ASCC3: variants seen among roughly 807,000 people sequenced by gnomAD.
ASCC3 encodes activating signal cointegrator 1 complex subunit 3, also known as ASC-1 complex subunit P200.
ASCC3 carries 158 observed loss-of-function variants against 256.3 expected under a neutral mutation model. The ratio of observed to expected loss-of-function variants is 0.62; its 90% CI spans 0.54 to 0.70. The LOEUF is 0.70. Ranked by LOEUF, ASCC3 falls within the 30% of genes least tolerant of loss-of-function variation. ASCC3 has a pLI of 0.00. For synonymous variants in ASCC3, 948 were observed against 883.4 expected, an observed-to-expected ratio of 1.07 and a Z score of -1.30; for missense variants, 2,259 against 2,626.0, an observed-to-expected ratio of 0.86 and a Z score of 3.05.
At chr6:100,587,359 C>T (rs1771754138) in intron 36 of ASCC3, among the ~76,000 whole-genome samples, 1 of 151,164 alleles carries the variant, frequency 6.6e-6, no homozygotes, top group South Asian at 2.1e-4. Flanking sequence ...CTGGAAATTA[C>T]ACCACAATTA....
chr6:100,656,120 A>G (rs1028310179), intron 16 of ASCC3, among the ~76,000 whole-genome samples: 2 of 146,276 alleles, frequency 1.4e-5, no homozygotes, highest in Non-Finnish European at 3.0e-5. Flanking sequence ...GACATTTGTT[A>G]TTTTTTTTTC....
intron 13 of ASCC3, among the ~76,000 whole-genome samples, chr6:100,680,701 T>C (rs1345044174): frequency 6.6e-6 from 1 of 152,206 alleles, no homozygotes; most frequent in Non-Finnish European, 1.5e-5. Flanking sequence ...GCCCCTGCTT[T>C]CAACTAAATT....
intron 29 of ASCC3, among the ~76,000 whole-genome samples, 168 bp downstream of exon 29, chr6:100,627,422 G>C (rs1006755299): frequency 3.3e-5 from 5 of 152,032 alleles, no homozygotes; most frequent in Non-Finnish European, 7.4e-5. Flanking sequence ...TCTTCACTAG[G>C]TAATTTAACA....
intron 23 of ASCC3, 121 bp from the exon 24 acceptor site, chr6:100,642,870 T>TA: frequency 1.0e-6 from 1 of 972,762 alleles, no homozygotes. Flanking sequence ...ATCTTGAATT[T>TA]GTAAATAGCT....
intron 16 of ASCC3, among the ~76,000 whole-genome samples, chr6:100,659,091 TATA>T (rs1414122244): frequency 6.6e-6 from 1 of 151,372 alleles, no homozygotes; most frequent in African/African-American, 2.4e-5. Context: ...TATAACTTAA[TATA>T]ATAATTTCTC....
At chr6:100,742,443 G>C (rs1344779617) in intron 10 of ASCC3, among the ~76,000 whole-genome samples, 1 of 152,056 alleles carries the variant, frequency 6.6e-6, no homozygotes, top group Non-Finnish European at 1.5e-5. Context: ...GGGCTGTTTG[G>C]ACTCTCCAAA....
intron 13 of ASCC3, chr6:100,715,251 G>A (rs769371987): frequency 8.8e-6 from 4 of 453,252 alleles, no homozygotes; most frequent in African/African-American, 4.0e-5. Context: ...AAAATAGCAC[G>A]ACCTATCAAT....
At chr6:100,659,783 G>A (rs1047781676) in intron 16 of ASCC3, among the ~76,000 whole-genome samples, 6 of 151,532 alleles carry the variant, frequency 4.0e-5, no homozygotes, top group African/African-American at 1.4e-4. Context: ...TAAGTTTACT[G>A]AGATATAGTT....
rs1582510979 is a variant in ASCC3 at position 100,589,710 on chromosome 6, T to C, written c.5474A>G (p.Lys1825Arg). The change falls in exon 36 of 42, where the codon AAG (lysine) becomes AGG (arginine). Residue 1825 changes from lysine (K) to arginine (R), a missense_variant. Physicochemically the swap from Lys to Arg is conservative, Grantham distance 26. This residue lies in a region of ASCC3 where 1,839 missense variants were observed against 2,206.7 expected (regional missense o/e 0.83). Coordinates refer to ENST00000369162, the MANE Select transcript of ASCC3 (RefSeq NM_006828.4). Reference protein sequence around the residue: ...YGRIASYYYLKHQTVKMFKDR... With the variant: ...YGRIASYYYLRHQTVKMFKDR... ...CTTGAACATTTTAACTGTTTGATGC[T>C]TCAAATAGTAATAGGAGGCAATTCG... 1.6e-5 allele frequency: 26 copies of C among 1,613,744 alleles called. No homozygotes were observed. The East Asian group carries it at 5.6e-4, about 35-fold the overall frequency.
intron 3 of ASCC3, among the ~76,000 whole-genome samples, chr6:100,859,716 T>C (rs137892854): frequency 2.9e-4 from 44 of 152,162 alleles, no homozygotes; most frequent in African/African-American, 8.9e-4. Context: ...TTTTGATTCA[T>C]AGTTTTCTTA....
At chr6:100,516,105 G>A (rs1774012861) in intron 39 of ASCC3, 75 bp downstream of exon 39, 1 of 1,590,154 alleles carries the variant, frequency 6.3e-7, no homozygotes, top group Non-Finnish European at 8.6e-7. Flanking sequence ...CAAAATCCAT[G>A]CTCTAAGTTA....
At position 100,627,691 on chromosome 6, in the gene ASCC3, C is replaced by T. The variant is rs142364575; in HGVS notation, c.4541G>A (p.Arg1514Gln). 6.8e-5 allele frequency: 110 copies of T among 1,613,424 alleles called. No homozygotes were observed. In the East Asian group the frequency reaches 8.0e-4, roughly 12 times the overall value. ...NIKQMGLFNF[R>Q]PSVRPVPLEV... ...CAGTGGAACTGGGCGTACTGATGGT[C>T]GGAAGTTAAACAAGCCCATCTAGAG... is the stretch of plus-strand genomic sequence containing the variant. Residue 1514 changes from arginine to glutamine, a missense_variant, in exon 29 of 42, where the codon CGA becomes CAA. This residue lies in a region of ASCC3 where 1,839 missense variants were observed against 2,206.7 expected (regional missense o/e 0.83). Coordinates refer to ENST00000369162, the MANE Select transcript of ASCC3 (RefSeq NM_006828.4).
At chr6:100,734,183 T>G (rs1430583613) in intron 10 of ASCC3, among the ~76,000 whole-genome samples, 2 of 152,210 alleles carry the variant, frequency 1.3e-5, no homozygotes, top group Non-Finnish European at 2.9e-5. Context: ...GAGAAGAATT[T>G]TTTACCACCA....
intron 24 of ASCC3, among the ~76,000 whole-genome samples, chr6:100,641,067 T>C (rs951477811): frequency 6.6e-6 from 1 of 152,220 alleles, no homozygotes; most frequent in East Asian, 1.9e-4. Context: ...AAACTTATTA[T>C]ACTAGTTAAT....
At chr6:100,595,386 T>G (rs1244398167) in intron 34 of ASCC3, among the ~76,000 whole-genome samples, 1 of 152,166 alleles carries the variant, frequency 6.6e-6, no homozygotes, top group Non-Finnish European at 1.5e-5. Flanking sequence ...TATAGCAGCA[T>G]TATTTTAAAA....
rs146253842 is a variant in ASCC3, at chr6:100,603,396, C to T, written c.5178-1461G>A. ...GTGTCCCAGAAGCCCTCCTGTTGTG[C>T]TTTTCTAGTCCCTTTCTTCTCAAAA... On this transcript the variant is annotated intron_variant, in intron 33 of 41. Coordinates refer to ENST00000369162, the MANE Select transcript of ASCC3 (RefSeq NM_006828.4). Among the ~76,000 whole-genome samples the T allele has an allele frequency of 3.1e-3, 474 of 152,102 alleles. 3 individuals are homozygous for T. The highest frequency in any genetic ancestry group is 0.011 in the African/African-American group (451 of 41,554).
intron 36 of ASCC3, among the ~76,000 whole-genome samples, chr6:100,556,587 A>T (rs929593304): frequency 6.6e-6 from 1 of 152,202 alleles, no homozygotes; most frequent in African/African-American, 2.4e-5. Context: ...TGTAGGTAGA[A>T]AACTAAGACT....
At chr6:100,790,189 C>T (rs900479937) in intron 8 of ASCC3, among the ~76,000 whole-genome samples, 1 of 151,980 alleles carries the variant, frequency 6.6e-6, no homozygotes. Flanking sequence ...AACCACTATA[C>T]ATTTTCTGTG....
At chr6:100,781,361 C>T (rs986183863) in intron 8 of ASCC3, among the ~76,000 whole-genome samples, 7 of 151,922 alleles carry the variant, frequency 4.6e-5, no homozygotes, top group Admixed American at 2.0e-4. Flanking sequence ...TGCAACTGCT[C>T]GTGGTACACT....
Sources: gnomAD v4.1 joint callset for allele counts (sites outside exome capture counted in the v4.1 genomes callset) on GRCh38, gnomAD v4.1.1 for gene constraint, gnomAD v4.1.1 regional missense constraint, MANE v1.5 for transcripts, NCBI Gene and HGNC (gene_info 2026-07-23, HGNC 2026-07-21) for gene names.